The following ZNF879 variants were observed in gnomAD, a reference collection of about 807,000 sequenced individuals.
The protein encoded by ZNF879 is zinc finger protein 879.
Under a neutral mutation model 44.3 loss-of-function variants are expected in ZNF879, and 32 were observed. That is an observed-to-expected ratio of 0.72 (90% confidence interval 0.54 to 0.97). The LOEUF (loss-of-function observed/expected upper bound fraction) is 0.97, where lower values mean the gene tolerates loss of function less well. Ranked by LOEUF, ZNF879 falls within the 50% of genes least tolerant of loss-of-function variation. The pLI is 0.00. For missense variants in ZNF879, 621 were observed against 669.7 expected (o/e 0.93, Z 0.80); for synonymous variants, 234 against 233.2 (o/e 1.00, Z -0.03).
rs1336656579 is a variant in ZNF879, at chr5:179,034,277, A to G, written c.*637A>G. ...CTACTTGTTCCAAACTCTGAGTCAGATCTAAAGTCACTTTAAGTCACAGAA... is the reference window on the plus strand; with the variant it reads ...CTACTTGTTCCAAACTCTGAGTCAGGTCTAAAGTCACTTTAAGTCACAGAA... On this transcript the variant is annotated 3_prime_UTR_variant, in exon 5 of 5. Transcript: ENST00000444149. 6.7e-6 allele frequency: 1 copy of G among 149,542 alleles called. No individual in the cohort carries two copies. The highest frequency in any genetic ancestry group is 1.5e-5 in the Non-Finnish European group (1 of 68,060). The allele number at this position is 149,542 out of a possible 1,614,324, so 9.3% of individuals were successfully genotyped here.
chr5:179,027,530 C>G lies in ZNF879; in HGVS notation c.91C>G (p.Leu31Val), dbSNP rs1761303378. Residue 31 changes from leucine (L) to valine (V), a missense_variant, in exon 3 of 5, where the codon CTG becomes GTG. Physicochemically the swap from Leu to Val is conservative, Grantham distance 32. Coordinates refer to ENST00000444149, the MANE Select transcript of ZNF879 (RefSeq NM_001136116.3). Reference protein sequence around the residue: ...VFFSQDEWLHLDSAQRALYRE... With the variant: ...VFFSQDEWLHVDSAQRALYRE... ...CTTCAGCCAGGACGAGTGGTTGCAC[C>G]TGGACTCTGCCCAGAGAGCCTTGTA... 3.1e-6 allele frequency: 5 copies of G among 1,614,122 alleles called. No homozygotes were observed. Among genetic ancestry groups the G allele is most frequent in the Non-Finnish European group, 4.2e-6 (5 of 1,180,034 alleles).
chr5:179,029,769 CAGTG>C (rs1293595979), intron 4 of ZNF879, among the ~76,000 whole-genome samples: 3 of 152,248 alleles, frequency 2.0e-5, no homozygotes, highest in Admixed American at 6.5e-5. Flanking sequence ...GAGACAGACA[CAGTG>C]AGAGAGAGAT....
At chr5:179,025,748 C>G (rs922388668) in intron 2 of ZNF879, among the ~76,000 whole-genome samples, 4 of 152,142 alleles carry the variant, frequency 2.6e-5, no homozygotes, top group South Asian at 2.1e-4. Flanking sequence ...GAAACCCGGT[C>G]TCTACTAAAA....
In ZNF879 at chr5:179,028,097, G is replaced by GTCTTCT. The variant is rs1761319650; in HGVS notation, c.226_227insTCTTCT (p.Glu76delinsValPheTer). Reference sequence around the variant, plus strand: ...GCAAGGAGAAGACCCCTGGATGGTGGAGAGTGGAGTTCCCCAAGGCGCACA... The same window carrying GTCTTCT: ...GCAAGGAGAAGACCCCTGGATGGTGGTCTTCTAGAGTGGAGTTCCCCAAGGCGCACA... On this transcript the variant is annotated stop_gained and protein_altering_variant, in exon 4 of 5. Transcript: ENST00000444149. LOFTEE classifies it low-confidence loss of function (END_TRUNC). The GTCTTCT allele has an allele frequency of 6.4e-7, 1 of 1,551,452 alleles. No homozygotes were observed. Among genetic ancestry groups the GTCTTCT allele is most frequent in the Non-Finnish European group, 8.7e-7 (1 of 1,146,956 alleles).
At chr5:179,026,910 A>G (rs371058573) in intron 2 of ZNF879, among the ~76,000 whole-genome samples, 1 of 152,208 alleles carries the variant, frequency 6.6e-6, no homozygotes, top group Non-Finnish European at 1.5e-5. Flanking sequence ...ACTACTGACC[A>G]TAGCCTTCTC....
chr5:179,025,482 G>C (rs532583848), intron 2 of ZNF879, among the ~76,000 whole-genome samples: 1 of 152,138 alleles, frequency 6.6e-6, no homozygotes. Context: ...GAGCCACCGC[G>C]CCCGGCCCCC....
intron 2 of ZNF879, among the ~76,000 whole-genome samples, chr5:179,026,938 A>G (rs958454152): frequency 7.2e-5 from 11 of 152,202 alleles, no homozygotes; most frequent in Non-Finnish European, 1.5e-4. Flanking sequence ...TTGAAAGGTT[A>G]TGTAGCCCAC....
In ZNF879 at chr5:179,033,126, T is replaced by G. The variant is rs896208852; in HGVS notation, c.1178T>G (p.Ile393Ser). Residue 393 changes from isoleucine (I) to serine (S), a missense_variant, in exon 5 of 5, where the codon ATT becomes AGT. Coordinates refer to ENST00000444149, the MANE Select transcript of ZNF879 (RefSeq NM_001136116.3). ...TCAGCCCTTATCATACATCAGAGAA[T>G]TCACACTGGTGAGAAACCATATGCA... is the stretch of plus-strand genomic sequence containing the variant. ...YHSALIIHQR[I>S]HTGEKPYACK... The G allele has an allele frequency of 1.3e-6, 2 of 1,583,176 alleles. No homozygotes were observed. Among genetic ancestry groups the G allele is most frequent in the African/African-American group, 1.4e-5 (1 of 73,752 alleles).
In ZNF879 at chr5:179,032,786, A is replaced by C; in HGVS notation, c.838A>C (p.Arg280=). The C allele has an allele frequency of 6.4e-7, 1 of 1,554,344 alleles. No individual in the cohort carries two copies. Among genetic ancestry groups the C allele is most frequent in the Non-Finnish European group, 8.7e-7 (1 of 1,148,648 alleles). ...SFTTSLIGHQ[R]MHTGERPYKC... Reference sequence around the variant, plus strand: ...CACCACATCTCTTATTGGACACCAGAGAATGCATACTGGAGAGAGACCTTA... The same window carrying C: ...CACCACATCTCTTATTGGACACCAGCGAATGCATACTGGAGAGAGACCTTA... Residue 280 remains arginine, a synonymous_variant, in exon 5 of 5, where the codon AGA becomes CGA. Coordinates refer to ENST00000444149, the MANE Select transcript of ZNF879 (RefSeq NM_001136116.3).
At position 179,034,517 on chromosome 5, in the gene ZNF879, A is replaced by G. The variant is rs1761532317; in HGVS notation, c.*877A>G. The stretch of plus-strand genomic sequence containing the variant: ...GTTACCAGCCACCAGAAGGCCCAGG[A>G]ACAATGTAGAACTCAGGTCATCATC... On this transcript the variant is annotated 3_prime_UTR_variant, in exon 5 of 5. Coordinates refer to ENST00000444149, the MANE Select transcript of ZNF879 (RefSeq NM_001136116.3). The G allele has an allele frequency of 6.6e-6, 1 of 152,226 alleles. No homozygotes were observed. The highest frequency in any genetic ancestry group is 1.5e-5 in the Non-Finnish European group (1 of 68,038). The allele number at this position is 152,226 out of a possible 1,614,324, so 9.4% of individuals were successfully genotyped here.
intron 4 of ZNF879, among the ~76,000 whole-genome samples, chr5:179,031,049 T>C (rs764792704): frequency 3.9e-5 from 6 of 152,098 alleles, no homozygotes; most frequent in Non-Finnish European, 8.8e-5. Context: ...TCTTTCCGTC[T>C]CTTATCACCA....
rs1039038719 is a variant in ZNF879, at chr5:179,033,657, G to C, written c.*17G>C. Reference sequence around the variant, plus strand: ...CATAATTGAGAAAAACTGTATAAATGCATGTAGGAACTGAAGTTATATTCC... The same window carrying C: ...CATAATTGAGAAAAACTGTATAAATCCATGTAGGAACTGAAGTTATATTCC... On this transcript the variant is annotated 3_prime_UTR_variant, in exon 5 of 5. Transcript: ENST00000444149. The C allele has an allele frequency of 6.9e-7, 1 of 1,451,880 alleles. No homozygotes were observed. The highest frequency in any genetic ancestry group is 1.4e-5 in the African/African-American group (1 of 69,636). 89.9% of individuals were successfully genotyped at this position (1,451,880 alleles called of 1,614,324 possible). A position where few individuals can be genotyped will look rare whatever the true frequency, so the allele number is the denominator to read the frequency against.
At chr5:179,027,395 A>C in intron 2 of ZNF879, 78 bp from the exon 3 acceptor site, 1 of 1,569,838 alleles carries the variant, frequency 6.4e-7, no homozygotes. Context: ...TAGAACCCTA[A>C]GTTGTGACAG....
intron 2 of ZNF879, 128 bp from the exon 3 acceptor site, chr5:179,027,345 C>G (rs1761298606): frequency 7.5e-7 from 1 of 1,327,702 alleles, no homozygotes; most frequent in African/African-American, 1.4e-5. Context: ...TAAATGTGTG[C>G]TTGGTAACTG....
At position 179,028,096 on chromosome 5, in the gene ZNF879, G is replaced by A. The variant is rs1761319484; in HGVS notation, c.225G>A (p.Val75=). Residue 75 remains valine, a synonymous_variant, in exon 4 of 5, where the codon GTG becomes GTA. Transcript: ENST00000444149. The part of the protein sequence containing the change: ...QLEQGEDPWM[V]ESGVPQGAHL... ...AGCAAGGAGAAGACCCCTGGATGGT[G>A]GAGAGTGGAGTTCCCCAAGGCGCAC... 3 of 1,551,436 alleles carry A rather than the reference G, an allele frequency of 1.9e-6. No individual in the cohort carries two copies. The highest frequency in any genetic ancestry group is 3.9e-5 in the Admixed American group (2 of 50,962).
At position 179,033,506 on chromosome 5, in the gene ZNF879, G is replaced by A; in HGVS notation, c.1558G>A (p.Ala520Thr). 6.4e-7 allele frequency: 1 copy of A among 1,559,172 alleles called. No homozygotes were observed. The highest frequency in any genetic ancestry group is 8.7e-7 in the Non-Finnish European group (1 of 1,151,660). The change falls in exon 5 of 5, where the codon GCC becomes ACC. Residue 520 changes from alanine to threonine, a missense_variant. By Grantham distance (58) the Ala-to-Thr change is moderately conservative. Coordinates refer to ENST00000444149, the MANE Select transcript of ZNF879 (RefSeq NM_001136116.3). ...KPYNCKVCGK[A>T]FRQSSSLMTH... ...ATATAATTGTAAAGTGTGTGGGAAA[G>A]CCTTCAGACAGAGTTCATCCCTTAT...
chr5:179,024,904 C>G, intron 1 of ZNF879, 66 bp from the exon 2 acceptor site: 1 of 1,288,188 alleles, frequency 7.8e-7, no homozygotes, highest in Non-Finnish European at 1.1e-6. Context: ...CTAACCTGGT[C>G]TGGCCTAATG....
chr5:179,032,863 T>C lies in ZNF879; in HGVS notation c.915T>C (p.Asn305=). The C allele has an allele frequency of 1.3e-6, 2 of 1,565,492 alleles. No homozygotes were observed. The highest frequency in any genetic ancestry group is 1.2e-5 in the South Asian group (1 of 85,208). Residue 305 remains asparagine (N), a synonymous_variant, in exon 5 of 5, where the codon AAT becomes AAC. Transcript: ENST00000444149. ...KTFKGSSSLN[N]HQRIHTGEKP... is the part of the protein sequence containing the mutation. Reference sequence around the variant, plus strand: ...TTAAAGGTAGTTCATCTCTTAATAATCACCAGCGAATTCACACAGGAGAGA... The same window carrying C: ...TTAAAGGTAGTTCATCTCTTAATAACCACCAGCGAATTCACACAGGAGAGA...
intron 2 of ZNF879, 151 bp from the exon 3 acceptor site, chr5:179,027,322 C>A: frequency 8.9e-7 from 1 of 1,122,526 alleles, no homozygotes; most frequent in Admixed American, 2.2e-5. Flanking sequence ...TTTCACTCAC[C>A]ATAGGTAAAT....
Sources: gnomAD v4.1 joint callset for allele counts (sites outside exome capture counted in the v4.1 genomes callset) on GRCh38, gnomAD v4.1.1 for gene constraint, MANE v1.5 for transcripts, NCBI Gene and HGNC (gene_info 2026-07-23, HGNC 2026-07-21) for gene names.